Variants in CNTLN observed in about 807,000 individuals in gnomAD.
The protein encoded by CNTLN is centlein, also known as centlein, centrosomal protein.
Under a neutral mutation model 180.0 loss-of-function variants are expected in CNTLN, and 212 were observed. The ratio of observed to expected loss-of-function variants is 1.18; its 90% CI spans 1.05 to 1.32. CNTLN has a LOEUF of 1.32. CNTLN is among the 40% of genes most tolerant of loss of function. The pLI is 0.00. For synonymous variants in CNTLN, 722 were observed against 563.1 expected (o/e 1.28, Z -3.99); for missense variants, 2,095 against 1,610.9 (o/e 1.30, Z -5.14).
At chr9:17,323,234 A>G (rs1040461718) in intron 8 of CNTLN, among the ~76,000 whole-genome samples, 1 of 152,184 alleles carries the variant, frequency 6.6e-6, no homozygotes, top group African/African-American at 2.4e-5. Flanking sequence ...CTACTGAGGC[A>G]ATATGGCTCG....
chr9:17,421,174 A>G (rs752863901), intron 18 of CNTLN, among the ~76,000 whole-genome samples: 38 of 152,010 alleles, frequency 2.5e-4, no homozygotes, highest in Non-Finnish European at 4.0e-4. Flanking sequence ...ATCTCCAGCT[A>G]TTATTGTATT....
chr9:17,296,646 T>G (rs552208144), intron 6 of CNTLN, among the ~76,000 whole-genome samples: 1 of 152,298 alleles, frequency 6.6e-6, no homozygotes, highest in African/African-American at 2.4e-5. Context: ...TCATGCATGA[T>G]TACTGTGGGT....
At chr9:17,270,721 G>A (rs535344221) in intron 5 of CNTLN, among the ~76,000 whole-genome samples, 1 of 151,962 alleles carries the variant, frequency 6.6e-6, no homozygotes, top group Admixed American at 6.6e-5. Context: ...ACCAGATAAG[G>A]TGTTTTTTTG....
chr9:17,388,092 T>G (rs1825822966), intron 13 of CNTLN, 70 bp from the exon 14 acceptor site: 2 of 980,460 alleles, frequency 2.0e-6, no homozygotes, highest in African/African-American at 1.6e-5. Context: ...AGAACCCTTT[T>G]TCTTAAAATG....
At chr9:17,199,054 A>G (rs1822331702) in intron 2 of CNTLN, among the ~76,000 whole-genome samples, 1 of 152,048 alleles carries the variant, frequency 6.6e-6, no homozygotes, top group South Asian at 2.1e-4. Context: ...CAGTAATGGG[A>G]TTGCTGAGTC....
intron 15 of CNTLN, among the ~76,000 whole-genome samples, chr9:17,399,225 A>C (rs532629183): frequency 5.6e-4 from 86 of 152,312 alleles, no homozygotes; most frequent in African/African-American, 1.9e-3. Flanking sequence ...TATATGTGTG[A>C]TACACATGTT....
chr9:17,227,031 G>A (rs766465689), intron 3 of CNTLN, among the ~76,000 whole-genome samples: 2 of 151,480 alleles, frequency 1.3e-5, no homozygotes, highest in Non-Finnish European at 2.9e-5. Flanking sequence ...GCGATTCATC[G>A]GTGATCTAGA....
At chr9:17,151,443 T>C (rs1818871533) in intron 2 of CNTLN, among the ~76,000 whole-genome samples, 1 of 152,174 alleles carries the variant, frequency 6.6e-6, no homozygotes, top group Non-Finnish European at 1.5e-5. Flanking sequence ...ATGTGATGGT[T>C]CTGTTTATGT....
chr9:17,357,984 A>T (rs1176747064), intron 12 of CNTLN, among the ~76,000 whole-genome samples: 2 of 152,032 alleles, frequency 1.3e-5, no homozygotes, highest in Non-Finnish European at 2.9e-5. Flanking sequence ...ATGATATATA[A>T]TCAAATGTAG....
At chr9:17,268,803 C>T (rs569770194) in intron 5 of CNTLN, among the ~76,000 whole-genome samples, 1 of 151,810 alleles carries the variant, frequency 6.6e-6, no homozygotes, top group Non-Finnish European at 1.5e-5. Flanking sequence ...GCTGTGCTAG[C>T]AATCAGCGAG....
At chr9:17,255,594 A>G (rs939149247) in intron 5 of CNTLN, among the ~76,000 whole-genome samples, 1 of 151,762 alleles carries the variant, frequency 6.6e-6, no homozygotes, top group African/African-American at 2.4e-5. Flanking sequence ...TGATTTGTGC[A>G]TCAATATTCA....
At chr9:17,419,976 G>T (rs1156954097) in intron 18 of CNTLN, among the ~76,000 whole-genome samples, 2 of 152,130 alleles carry the variant, frequency 1.3e-5, no homozygotes, top group African/African-American at 4.8e-5. Context: ...GAGCAGTGGC[G>T]CAATCTCGGC....
chr9:17,144,215 C>A (rs1466196972), intron 2 of CNTLN, among the ~76,000 whole-genome samples: 2 of 152,116 alleles, frequency 1.3e-5, no homozygotes, highest in African/African-American at 4.8e-5. Context: ...TGATACATGC[C>A]TGAGTATGTC....
chr9:17,211,453 T>C (rs1435135470), intron 2 of CNTLN, among the ~76,000 whole-genome samples: 3 of 152,050 alleles, frequency 2.0e-5, no homozygotes, highest in Admixed American at 6.5e-5. Context: ...TTTTGGTTAC[T>C]GTAGCTTTGT....
At chr9:17,445,307 G>T (rs1369731717) in intron 18 of CNTLN, among the ~76,000 whole-genome samples, 1 of 151,940 alleles carries the variant, frequency 6.6e-6, no homozygotes, top group African/African-American at 2.4e-5. Context: ...CACTTTATTT[G>T]CAAGACTTAG....
the CNTLN span, among the ~76,000 whole-genome samples, chr9:17,522,443 C>T: frequency 1.3e-5 from 2 of 152,222 alleles, no homozygotes; most frequent in Non-Finnish European, 2.9e-5. Context: ...CCCTTTACTG[C>T]TATGCCATCC....
intron 23 of CNTLN, among the ~76,000 whole-genome samples, chr9:17,469,160 C>T (rs1158284949): frequency 6.6e-6 from 1 of 151,732 alleles, no homozygotes; most frequent in Non-Finnish European, 1.5e-5. Context: ...CTGCATTTTA[C>T]AAGTTAACGA....
intron 2 of CNTLN, chr9:17,167,639 G>T (rs1820163968): frequency 6.6e-6 from 1 of 152,122 alleles, no homozygotes; most frequent in African/African-American, 2.4e-5. Flanking sequence ...CTACAATGAG[G>T]TATAGCATGT....
At chr9:17,205,402 A>G (rs992407369) in intron 2 of CNTLN, among the ~76,000 whole-genome samples, 11 of 152,230 alleles carry the variant, frequency 7.2e-5, no homozygotes, top group Non-Finnish European at 1.6e-4. Flanking sequence ...AGAGACATAC[A>G]TATATTTATG....
Sources: allele counts gnomAD v4.1 joint callset (sites outside exome capture counted in the v4.1 genomes callset), GRCh38; gene constraint gnomAD v4.1.1; transcripts MANE v1.5; gene names NCBI Gene and HGNC (gene_info 2026-07-23, HGNC 2026-07-21).